WWOX: variants seen among roughly 807,000 people sequenced by gnomAD.
WWOX encodes WW domain containing oxidoreductase, also known as WW domain-containing oxidoreductase.
Under a neutral mutation model 46.2 loss-of-function variants are expected in WWOX, and 69 were observed. The ratio of observed to expected loss-of-function variants is 1.49; its 90% CI spans 1.23 to 1.82. The LOEUF (loss-of-function observed/expected upper bound fraction) is 1.82. Among genes scored for constraint, WWOX ranks in the 40% most tolerant of loss-of-function variants. WWOX has a pLI of 0.00. For missense variants in WWOX, 919 were observed against 542.6 expected, an observed-to-expected ratio of 1.69 and a Z score of -6.89; for synonymous variants, 359 against 202.6, an observed-to-expected ratio of 1.77 and a Z score of -6.56.
At chr16:78,448,421 G>A (rs539626750) in intron 8 of WWOX, among the ~76,000 whole-genome samples, 1 of 152,098 alleles carries the variant, frequency 6.6e-6, no homozygotes, top group South Asian at 2.1e-4. Flanking sequence ...TTGCTTAGCT[G>A]GACCATCTGC....
At chr16:79,152,586 G>A (rs537354127) in intron 8 of WWOX, among the ~76,000 whole-genome samples, 19 of 151,778 alleles carry the variant, frequency 1.3e-4, no homozygotes, top group Non-Finnish European at 2.1e-4. Context: ...CAGGAGAATC[G>A]CTTGAACCCG....
At chr16:78,775,469 C>G (rs1035305037) in intron 8 of WWOX, among the ~76,000 whole-genome samples, 5 of 152,170 alleles carry the variant, frequency 3.3e-5, no homozygotes, top group Non-Finnish European at 7.3e-5. Context: ...AGACTCATTT[C>G]TCATCTCTTG....
chr16:78,403,371 A>G (rs1468263808), intron 6 of WWOX, among the ~76,000 whole-genome samples: 2 of 152,222 alleles, frequency 1.3e-5, no homozygotes, highest in Non-Finnish European at 2.9e-5. Flanking sequence ...AGTTATTAAA[A>G]AATTAATGTT....
At chr16:78,159,103 G>C (rs1253357829) in intron 4 of WWOX, among the ~76,000 whole-genome samples, 2 of 152,126 alleles carry the variant, frequency 1.3e-5, no homozygotes, top group Non-Finnish European at 2.9e-5. Flanking sequence ...GCAAATAGCA[G>C]AATTTCCTTC....
chr16:78,276,653 G>A (rs1405907765), intron 5 of WWOX, among the ~76,000 whole-genome samples: 1 of 152,204 alleles, frequency 6.6e-6, no homozygotes, highest in Non-Finnish European at 1.5e-5. Flanking sequence ...AGAAAGTCCA[G>A]TGTTTGTAGC....
At chr16:78,671,458 A>C (rs528907997) in intron 8 of WWOX, among the ~76,000 whole-genome samples, 4 of 152,146 alleles carry the variant, frequency 2.6e-5, no homozygotes, top group African/African-American at 7.2e-5. Context: ...ATAAATTTCT[A>C]TTGTTTTAAG....
rs1448528523 is a variant in WWOX, at chr16:79,119,385, GAA to G, written c.1057-92219_1057-92218del. ...TAATGGATGACAAGTGGATACTTAA[GAA>G]AAAGTGTATTTTGGAGAAAGTTGCA... On this transcript the variant is annotated intron_variant, in intron 8 of 8. Transcript: ENST00000566780. Among the ~76,000 whole-genome samples, 3 of 152,308 alleles carry G rather than the reference GAA, an allele frequency of 2.0e-5. No homozygotes were observed. The East Asian group carries it at 5.8e-4, about 29-fold the overall frequency.
intron 8 of WWOX, among the ~76,000 whole-genome samples, chr16:78,851,520 C>T (rs1217765675): frequency 6.6e-6 from 1 of 152,220 alleles, no homozygotes; most frequent in African/African-American, 2.4e-5. Context: ...CTGATACTTT[C>T]ACAGTGAAGC....
intron 5 of WWOX, among the ~76,000 whole-genome samples, chr16:78,283,650 T>C (rs2079720028): frequency 6.6e-6 from 1 of 151,930 alleles, no homozygotes; most frequent in African/African-American, 2.4e-5. Context: ...TTAGAAAACG[T>C]ATTTACATGG....
intron 5 of WWOX, among the ~76,000 whole-genome samples, chr16:78,210,961 T>C (rs563685985): frequency 6.6e-6 from 1 of 152,356 alleles, no homozygotes; most frequent in South Asian, 2.1e-4. Flanking sequence ...TGGGATAAAG[T>C]GGCCTTGGCT....
chr16:78,711,082 AAG>A (rs1215227400), intron 8 of WWOX, among the ~76,000 whole-genome samples: 5 of 152,200 alleles, frequency 3.3e-5, no homozygotes, highest in Non-Finnish European at 7.3e-5. Context: ...GTAAGTTATA[AAG>A]AGAGATTACT....
chr16:78,989,785 G>C (rs1357925697), intron 8 of WWOX, among the ~76,000 whole-genome samples: 1 of 151,046 alleles, frequency 6.6e-6, no homozygotes, highest in Non-Finnish European at 1.5e-5. Context: ...AGGAGGAAGT[G>C]AGAGGAAGCA....
In WWOX at chr16:78,828,584, A is replaced by G. The variant is rs571496356; in HGVS notation, c.1057-383024A>G. ...CTATATCATTTATTAAGGTCCTACTATATACCAAATTCTATCGGACACATG... is the reference window on the plus strand; with the variant it reads ...CTATATCATTTATTAAGGTCCTACTGTATACCAAATTCTATCGGACACATG... On this transcript the variant is annotated intron_variant, in intron 8 of 8. Coordinates refer to ENST00000566780, the MANE Select transcript of WWOX (RefSeq NM_016373.4). 2.0e-5 allele frequency among the ~76,000 whole-genome samples: 3 copies of G among 152,026 alleles called. No individual in the cohort carries two copies. In the East Asian group the frequency reaches 5.8e-4, roughly 29 times the overall value.
chr16:78,656,420 G>A (rs541674020), intron 8 of WWOX, among the ~76,000 whole-genome samples: 153 of 152,268 alleles, frequency 1.0e-3, no homozygotes, highest in Non-Finnish European at 1.7e-3. Flanking sequence ...TCATGGTTCC[G>A]CAGGCCATAC....
At chr16:79,161,391 G>C (rs987531100) in intron 8 of WWOX, among the ~76,000 whole-genome samples, 1 of 152,120 alleles carries the variant, frequency 6.6e-6, no homozygotes, top group African/African-American at 2.4e-5. Flanking sequence ...AAAGTCCACA[G>C]CATAAGCTTG....
chr16:79,211,649 A>C lies in WWOX; in HGVS notation c.1098A>C (p.Pro366=). Residue 366 remains proline, a synonymous_variant, in exon 9 of 9, where the codon CCA becomes CCC. Coordinates refer to ENST00000566780, the MANE Select transcript of WWOX (RefSeq NM_016373.4). The part of the protein sequence containing the change: ...AATTVYCAAV[P]ELEGLGGMYF... The stretch of plus-strand genomic sequence containing the variant: ...CCACCGTGTACTGTGCTGCTGTCCC[A>C]GAACTGGAGGGTCTGGGAGGGATGT... The C allele has an allele frequency of 6.2e-7, 1 of 1,614,192 alleles. No homozygotes were observed. The highest frequency in any genetic ancestry group is 8.5e-7 in the Non-Finnish European group (1 of 1,180,036).
At chr16:78,723,606 T>TCCCACA (rs2048749765) in intron 8 of WWOX, among the ~76,000 whole-genome samples, 3 of 26,100 alleles carry the variant, frequency 1.1e-4, no homozygotes, top group African/African-American at 5.3e-4. Flanking sequence ...TCTTTTCTTT[T>TCCCACA]CTTTTCTTTT....
chr16:78,584,142 G>A (rs963687112), intron 8 of WWOX, among the ~76,000 whole-genome samples: 2 of 152,338 alleles, frequency 1.3e-5, no homozygotes, highest in African/African-American at 4.8e-5. Context: ...CTAGGACCAC[G>A]TCTGTCTTGA....
At chr16:78,768,855 G>A (rs1241673702) in intron 8 of WWOX, among the ~76,000 whole-genome samples, 2 of 152,144 alleles carry the variant, frequency 1.3e-5, no homozygotes, top group Admixed American at 1.3e-4. Flanking sequence ...CAGTCAAAGA[G>A]AAAGGAGAGC....
Sources: gnomAD v4.1 joint callset for allele counts (sites outside exome capture counted in the v4.1 genomes callset) on GRCh38, gnomAD v4.1.1 for gene constraint, MANE v1.5 for transcripts, NCBI Gene and HGNC (gene_info 2026-07-23, HGNC 2026-07-21) for gene names.